The following C4orf51 variants were observed in gnomAD, a reference collection of about 807,000 sequenced individuals.
C4orf51 encodes the protein uncharacterized protein C4orf51.
A neutral mutation model predicts 25.2 loss-of-function variants in C4orf51; 25 were observed. The ratio of observed to expected loss-of-function variants is 0.99; its 90% CI spans 0.72 to 1.39. The LOEUF is 1.39. Ranked by LOEUF, C4orf51 falls within the 40% of genes most tolerant of loss-of-function variation. The pLI, the probability that C4orf51 is intolerant of heterozygous loss-of-function variation, is 0.00. For synonymous variants in C4orf51, 100 were observed against 84.5 expected (o/e 1.18, Z -1.01); for missense variants, 252 against 239.6 (o/e 1.05, Z -0.34).
At chr4:145,757,053 A>T (rs1213141765), downstream of C4orf51, among the ~76,000 whole-genome samples, 1 of 152,230 alleles carries the variant, frequency 6.6e-6, no homozygotes, top group African/African-American at 2.4e-5. Context: ...ATAGAACAAA[A>T]TGGATTTTAA....
Position 145,699,573 on chromosome 4 carries a change from C to T in C4orf51, c.307+2941C>T, listed in dbSNP as rs569056755. Among the ~76,000 whole-genome samples the T allele has an allele frequency of 2.5e-3, 385 of 152,242 alleles. 1 individual carries two copies. Among genetic ancestry groups the T allele is most frequent in the African/African-American group, 8.7e-3 (362 of 41,516 alleles). On this transcript the variant is annotated intron_variant, in intron 2 of 5. Coordinates refer to ENST00000438731, the MANE Select transcript of C4orf51 (RefSeq NM_001080531.3). The stretch of plus-strand genomic sequence containing the variant: ...AGAGACAAAGGAGACATGTTTTATC[C>T]GTGGACCCAAAACTCTGGCGCCGGT...
At chr4:145,774,563 C>T (rs758720693), downstream of C4orf51, 62 of 1,612,776 alleles carry the variant, frequency 3.8e-5, no homozygotes, top group South Asian at 4.4e-5. Flanking sequence ...GTGACGAAGT[C>T]GCAGGCAGTG....
downstream of C4orf51, chr4:145,775,869 C>T (rs1737000832): frequency 6.2e-7 from 1 of 1,614,056 alleles, no homozygotes; most frequent in Admixed American, 1.7e-5. Flanking sequence ...CTGTACTCAC[C>T]AGCTTCACGG....
intron 2 of C4orf51, among the ~76,000 whole-genome samples, chr4:145,697,163 G>A (rs750241494): frequency 7.3e-5 from 11 of 149,726 alleles, no homozygotes; most frequent in South Asian, 2.1e-4. Flanking sequence ...GCAGTGGTGC[G>A]ATCTTGGCTC....
chr4:145,700,347 C>G (rs1278809225), intron 2 of C4orf51, among the ~76,000 whole-genome samples: 3 of 152,068 alleles, frequency 2.0e-5, no homozygotes, highest in Admixed American at 2.0e-4. Flanking sequence ...TGTCTCTACA[C>G]TCTCTTTTCT....
chr4:145,704,887 A>T (rs1398764701), intron 2 of C4orf51, among the ~76,000 whole-genome samples: 1 of 152,188 alleles, frequency 6.6e-6, no homozygotes, highest in Non-Finnish European at 1.5e-5. Flanking sequence ...CACTTGGAAG[A>T]GGGTGAAGCA....
the C4orf51 span, among the ~76,000 whole-genome samples, chr4:145,791,074 G>A: frequency 1.3e-5 from 2 of 152,188 alleles, no homozygotes; most frequent in South Asian, 4.2e-4. Flanking sequence ...ACAGGACTGG[G>A]AAATACTGTG....
chr4:145,732,551 A>C lies in C4orf51; in HGVS notation c.600A>C (p.Pro200=). Reference sequence around the variant, plus strand: ...ATGGCTGGGGAGGACCCTCATCGCCATTTAACTGAGTTGGAAAATGAAGCC... The same window carrying C: ...ATGGCTGGGGAGGACCCTCATCGCCCTTTAACTGAGTTGGAAAATGAAGCC... The part of the protein sequence containing the change: ...SDYGWGGPSS[P]FN Residue 200 remains proline (P), a synonymous_variant, in exon 6 of 6, where the codon CCA becomes CCC. Transcript: ENST00000438731. 1 of 1,606,856 alleles carries C rather than the reference A, an allele frequency of 6.2e-7. No homozygotes were observed. Among genetic ancestry groups the C allele is most frequent in the Non-Finnish European group, 8.5e-7 (1 of 1,176,884 alleles).
intron 2 of C4orf51, among the ~76,000 whole-genome samples, chr4:145,712,218 G>A (rs571283915): frequency 1.6e-3 from 243 of 152,186 alleles, no homozygotes; most frequent in African/African-American, 5.6e-3. Flanking sequence ...GCCTCTAATG[G>A]TTTGAGTGAA....
chr4:145,781,632 G>T, the C4orf51 span, among the ~76,000 whole-genome samples: 1 of 152,146 alleles, frequency 6.6e-6, no homozygotes, highest in Non-Finnish European at 1.5e-5. Context: ...CAGAAATGTG[G>T]GTGAAGAGAA....
intron 2 of C4orf51, among the ~76,000 whole-genome samples, chr4:145,698,748 C>T (rs1326724325): frequency 2.0e-5 from 3 of 152,142 alleles, no homozygotes; most frequent in Non-Finnish European, 4.4e-5. Flanking sequence ...GGGGAAGCTC[C>T]ACCAGTCAGT....
At chr4:145,725,088 T>A (rs1248768821) in intron 2 of C4orf51, among the ~76,000 whole-genome samples, 2 of 151,844 alleles carry the variant, frequency 1.3e-5, no homozygotes, top group African/African-American at 2.4e-5. Flanking sequence ...CAGTGTACAC[T>A]GCTTGGTTGA....
chr4:145,724,900 A>AAAAAAAT (rs1731963018), intron 2 of C4orf51, among the ~76,000 whole-genome samples: 1 of 150,208 alleles, frequency 6.7e-6, no homozygotes, highest in Admixed American at 6.6e-5. Flanking sequence ...AAAAAAAAAA[A>AAAAAAAT]AAAGAAAGAA....
At chr4:145,697,017 A>T (rs34849493) in intron 2 of C4orf51, among the ~76,000 whole-genome samples, 19,151 of 141,214 alleles carry the variant, frequency 0.14, 1,314 homozygotes, top group South Asian at 0.21. Context: ...AGCCTGGGTG[A>T]CAGAGGACTC....
chr4:145,776,155 A>G, the C4orf51 span, among the ~76,000 whole-genome samples: 3 of 152,160 alleles, frequency 2.0e-5, no homozygotes, highest in Non-Finnish European at 4.4e-5. Context: ...TAGTACTTCT[A>G]AATATAAAAG....
chr4:145,764,917 G>T, intron 1 of C4orf51: 6 of 1,604,810 alleles, frequency 3.7e-6, no homozygotes, highest in Non-Finnish European at 5.1e-6. Context: ...TCACGGGAAG[G>T]GACGGGGTAG....
At chr4:145,729,578 G>T (rs1027668754) in intron 4 of C4orf51, among the ~76,000 whole-genome samples, 1 of 152,128 alleles carries the variant, frequency 6.6e-6, no homozygotes, top group Non-Finnish European at 1.5e-5. Context: ...TGGGATTACA[G>T]GCGTGAGCCA....
At chr4:145,727,895 G>GTGTATATATA (rs529040880) in intron 3 of C4orf51, among the ~76,000 whole-genome samples, 48 of 101,616 alleles carry the variant, frequency 4.7e-4, no homozygotes, top group South Asian at 1.5e-3. Flanking sequence ...AAAAAAATGT[G>GTGTATATATA]TATATATATA....
chr4:145,748,998 C>T (rs895393400), intron 1 of C4orf51, among the ~76,000 whole-genome samples: 2 of 149,990 alleles, frequency 1.3e-5, no homozygotes, highest in African/African-American at 2.4e-5. Context: ...GTATTGGGGT[C>T]GATGTCTCTC....
Sources: gnomAD v4.1 joint callset for allele counts (sites outside exome capture counted in the v4.1 genomes callset) on GRCh38, gnomAD v4.1.1 for gene constraint, MANE v1.5 for transcripts, NCBI Gene and HGNC (gene_info 2026-07-23, HGNC 2026-07-21) for gene names.